TPP2: variants seen among roughly 807,000 people sequenced by gnomAD.
TPP2 encodes the protein tripeptidyl peptidase 2, also known as tripeptidyl-peptidase 2.
Under a neutral mutation model 155.9 loss-of-function variants are expected in TPP2, and 34 were observed. That is an observed-to-expected ratio of 0.22 (90% CI 0.17 to 0.29). The LOEUF is 0.29. Ranked by LOEUF, TPP2 falls within the 10% of genes least tolerant of loss-of-function variation. TPP2 has a pLI of 1.00. For synonymous variants in TPP2, 510 were observed against 529.4 expected, an observed-to-expected ratio of 0.96 and a Z score of 0.50; for missense variants, 1,028 against 1,522.3, an observed-to-expected ratio of 0.68 and a Z score of 5.40.
Position 102,664,779 on chromosome 13 carries a change from C to A in TPP2, c.3241-16C>A, listed in dbSNP as rs1566369549. 1.2e-6 allele frequency: 2 copies of A among 1,606,536 alleles called. No individual in the cohort carries two copies. The highest frequency in any genetic ancestry group is 1.7e-5 in the Admixed American group (1 of 58,780). On this transcript the variant is annotated splice_polypyrimidine_tract_variant and intron_variant, in intron 26 of 29. Coordinates refer to ENST00000376052, the MANE Select transcript of TPP2 (RefSeq NM_001330588.2). Reference sequence around the variant, plus strand: ...TTGATATACCTATTTTTTATTATTTCTTTTTTCCTCTCCAGGAACGAATGA... The same window carrying A: ...TTGATATACCTATTTTTTATTATTTATTTTTTCCTCTCCAGGAACGAATGA...
rs1885425972 is a variant in TPP2, at chr13:102,678,448, T to C, written c.*132T>C. 1.4e-6 allele frequency: 1 copy of C among 691,478 alleles called. No individual in the cohort carries two copies. Among genetic ancestry groups the C allele is most frequent in the Non-Finnish European group, 2.4e-6 (1 of 424,926 alleles). 42.8% of individuals were successfully genotyped at this position (691,478 alleles called of 1,614,324 possible). A position where few individuals can be genotyped will look rare whatever the true frequency, so the allele number is the denominator to read the frequency against. The stretch of plus-strand genomic sequence containing the variant: ...CAGTACTGATTATTAAAATGACATG[T>C]ATTTATCAGAGAATTCACTGACGTG... On this transcript the variant is annotated 3_prime_UTR_variant, in exon 30 of 30. Transcript: ENST00000376052.
At chr13:102,613,951 T>G (rs1218794960) in intron 2 of TPP2, 150 bp from the exon 3 acceptor site, 7 of 583,156 alleles carry the variant, frequency 1.2e-5, no homozygotes, top group Admixed American at 3.5e-5. Flanking sequence ...AAGTAACTAC[T>G]TAGAGTATTA....
At chr13:102,607,638 G>C in intron 2 of TPP2, 1 of 448,578 alleles carries the variant, frequency 2.2e-6, no homozygotes, top group South Asian at 1.6e-5. Flanking sequence ...CCAGGTTGAA[G>C]TACAATGGCA....
At chr13:102,658,584 A>G (rs1884002529) in intron 25 of TPP2, among the ~76,000 whole-genome samples, 1 of 152,256 alleles carries the variant, frequency 6.6e-6, no homozygotes, top group Non-Finnish European at 1.5e-5. Context: ...GCCTCTGGAA[A>G]TGGTCCAAAG....
intron 24 of TPP2, among the ~76,000 whole-genome samples, chr13:102,654,521 C>T (rs1883720766): frequency 6.6e-6 from 1 of 151,932 alleles, no homozygotes; most frequent in Non-Finnish European, 1.5e-5. Flanking sequence ...ATTTTAAATT[C>T]AATTCTCTTT....
rs2139462520 is a variant in TPP2, at chr13:102,622,975, A to C, written c.719A>C (p.Glu240Ala). The C allele has an allele frequency of 6.2e-7, 1 of 1,614,114 alleles. No individual in the cohort carries two copies. Among genetic ancestry groups the C allele is most frequent in the South Asian group, 1.1e-5 (1 of 91,074 alleles). The change falls in exon 6 of 30, where the codon GAG (glutamate) becomes GCG (alanine). Residue 240 changes from glutamate to alanine, a missense_variant. Glu to Ala is a moderately radical substitution (Grantham distance 107). Coordinates refer to ENST00000376052, the MANE Select transcript of TPP2 (RefSeq NM_001330588.2). The part of the protein sequence containing the change: ...AQEYGSFGTA[E>A]MLNYSVNIYD... The stretch of plus-strand genomic sequence containing the variant: ...GAATATGGCTCTTTTGGCACAGCTG[A>C]GATGTTGAATTACTCCGTTAATATA...
intron 16 of TPP2, among the ~76,000 whole-genome samples, chr13:102,641,150 G>T (rs17691254): frequency 0.069 from 10,568 of 152,248 alleles, 459 homozygotes; most frequent in East Asian, 0.15. Flanking sequence ...TTATAGTCCT[G>T]TGAGAGTGCT....
intron 27 of TPP2, among the ~76,000 whole-genome samples, chr13:102,667,206 A>G (rs1352926002): frequency 0.087 from 8 of 92 alleles, no homozygotes; most frequent in Non-Finnish European, 0.13. Flanking sequence ...CCATTTTCTA[A>G]TCTTAAAAAA....
At chr13:102,614,287 A>G in intron 3 of TPP2, 91 bp downstream of exon 3, 3 of 1,155,522 alleles carry the variant, frequency 2.6e-6, no homozygotes, top group Non-Finnish European at 3.6e-6. Context: ...GAAATATTTC[A>G]TAAAATCTCA....
chr13:102,619,432 T>G (rs1880989792), intron 5 of TPP2, among the ~76,000 whole-genome samples: 2 of 144,692 alleles, frequency 1.4e-5, no homozygotes, highest in African/African-American at 2.6e-5. Context: ...GCTTTAGGAT[T>G]TCTGCAAAAA....
chr13:102,667,583 T>C (rs1475396984), intron 27 of TPP2, among the ~76,000 whole-genome samples: 22 of 152,196 alleles, frequency 1.4e-4, no homozygotes, highest in Admixed American at 1.4e-3. Flanking sequence ...AAAAGCCTCA[T>C]GTACTATAAA....
At chr13:102,605,068 A>G in intron 2 of TPP2, 147 bp downstream of exon 2, 1 of 1,279,260 alleles carries the variant, frequency 7.8e-7, no homozygotes, top group South Asian at 1.4e-5. Context: ...TAAAATGACA[A>G]ATATTTATTA....
At chr13:102,629,989 G>A (rs1263056840) in intron 9 of TPP2, 107 bp from the exon 10 acceptor site, 1 of 850,830 alleles carries the variant, frequency 1.2e-6, no homozygotes, top group Non-Finnish European at 1.9e-6. Flanking sequence ...TCGTATTAGA[G>A]AGAGGACTGG....
intron 28 of TPP2, among the ~76,000 whole-genome samples, 150 bp from the exon 29 acceptor site, chr13:102,676,138 CACCAATTT>C (rs1257123335): frequency 6.6e-6 from 1 of 152,128 alleles, no homozygotes; most frequent in Non-Finnish European, 1.5e-5. Flanking sequence ...CTTTTGAAGA[CACCAATTT>C]TCTTTTTCAA....
intron 25 of TPP2, among the ~76,000 whole-genome samples, chr13:102,657,692 T>G (rs1261969412): frequency 6.6e-6 from 1 of 152,204 alleles, no homozygotes; most frequent in Non-Finnish European, 1.5e-5. Context: ...CGTTTTATTT[T>G]GCATATATAT....
rs766722556 is a variant in TPP2 at position 102,635,690 on chromosome 13, T to C, written c.1497T>C (p.His499=). 1.6e-5 allele frequency: 26 copies of C among 1,612,196 alleles called. No homozygotes were observed. In the South Asian group the frequency reaches 2.4e-4, roughly 15 times the overall value. ...ADNIEVFAQG[H]GIIQVDKAYD... ...ATATAGAAGTATTTGCTCAAGGACA[T>C]GGTATTATTCAGGTATTGTTGCCTA... is the stretch of plus-strand genomic sequence containing the variant. The change falls in exon 12 of 30, where the codon CAT becomes CAC. Residue 499 remains histidine, a synonymous_variant. Coordinates refer to ENST00000376052, the MANE Select transcript of TPP2 (RefSeq NM_001330588.2).
At chr13:102,635,741 A>G in intron 12 of TPP2, 39 bp downstream of exon 12, 1 of 1,411,328 alleles carries the variant, frequency 7.1e-7, no homozygotes, top group Non-Finnish European at 1.0e-6. Flanking sequence ...GTAAAGCATC[A>G]TTGAGATAAT....
chr13:102,599,841 A>T (rs1307682276), intron 1 of TPP2, among the ~76,000 whole-genome samples: 1 of 152,188 alleles, frequency 6.6e-6, no homozygotes, highest in African/African-American at 2.4e-5. Context: ...AGCATTGGCC[A>T]GTAAGAGCTG....
At chr13:102,671,041 G>A (rs1884945698) in intron 27 of TPP2, among the ~76,000 whole-genome samples, 2 of 152,198 alleles carry the variant, frequency 1.3e-5, no homozygotes, top group Admixed American at 6.5e-5. Flanking sequence ...TGATTTACAT[G>A]ATACTGACAC....
Sources: gnomAD v4.1 joint callset for allele counts (sites outside exome capture counted in the v4.1 genomes callset) on GRCh38, gnomAD v4.1.1 for gene constraint, MANE v1.5 for transcripts, NCBI Gene and HGNC (gene_info 2026-07-23, HGNC 2026-07-21) for gene names.